The following PDE8B variants were observed in gnomAD, a reference collection of about 807,000 sequenced individuals.
The protein encoded by PDE8B is phosphodiesterase 8B, also known as high affinity cAMP-specific and IBMX-insensitive 3',5'-cyclic phosphodiesterase 8B.
PDE8B carries 26 observed loss-of-function variants against 101.3 expected under a neutral mutation model. That is an observed-to-expected ratio of 0.26 (90% CI 0.19 to 0.36). PDE8B has a LOEUF of 0.36. Ranked by LOEUF, PDE8B falls within the 10% of genes least tolerant of loss-of-function variation. The pLI is 1.00. For missense variants in PDE8B, 810 were observed against 1,163.1 expected (o/e 0.70, Z 4.42); for synonymous variants, 424 against 429.3 (o/e 0.99, Z 0.15).
the PDE8B span, among the ~76,000 whole-genome samples, chr5:77,182,245 A>G: frequency 6.6e-6 from 1 of 151,816 alleles, no homozygotes; most frequent in East Asian, 1.9e-4. Context: ...TACAGATTGT[A>G]CTTGGTTCCA....
At chr5:77,285,291 T>C (rs1765775363) in intron 1 of PDE8B, among the ~76,000 whole-genome samples, 1 of 152,208 alleles carries the variant, frequency 6.6e-6, no homozygotes, top group Admixed American at 6.5e-5. Context: ...CTTTATTCAC[T>C]CCTCAACAGT....
chr5:77,100,291 C>T, the PDE8B span: 1 of 152,204 alleles, frequency 6.6e-6, no homozygotes, highest in Non-Finnish European at 1.5e-5. Context: ...CTTCACTTAG[C>T]TCCGCATTTG....
intron 12 of PDE8B, among the ~76,000 whole-genome samples, chr5:77,406,301 A>T (rs928005016): frequency 2.0e-5 from 3 of 152,142 alleles, no homozygotes; most frequent in Admixed American, 2.0e-4. Context: ...AAATAAAAAA[A>T]ATTTAAAAAG....
chr5:77,328,777 A>G (rs1776550573), intron 3 of PDE8B, among the ~76,000 whole-genome samples: 1 of 152,222 alleles, frequency 6.6e-6, no homozygotes, highest in Non-Finnish European at 1.5e-5. Context: ...GACCTATTGG[A>G]TAATTGCCTG....
At chr5:77,292,772 T>C (rs544355157) in intron 1 of PDE8B, among the ~76,000 whole-genome samples, 53 of 152,344 alleles carry the variant, frequency 3.5e-4, no homozygotes, top group African/African-American at 1.3e-3. Flanking sequence ...AGGATGCCAA[T>C]CCCTTTACTA....
chr5:77,178,092 C>T, the PDE8B span, among the ~76,000 whole-genome samples: 6 of 152,294 alleles, frequency 3.9e-5, no homozygotes, highest in South Asian at 6.2e-4. Flanking sequence ...TGTAAGCAGA[C>T]GTCCTCCTAG....
chr5:77,370,425 G>A (rs1379377931), intron 10 of PDE8B, among the ~76,000 whole-genome samples: 3 of 152,156 alleles, frequency 2.0e-5, no homozygotes, highest in African/African-American at 2.4e-5. Flanking sequence ...TTACTCATTC[G>A]TGGAAGGCTT....
chr5:77,327,417 G>A (rs565381577), intron 3 of PDE8B, among the ~76,000 whole-genome samples: 1 of 152,294 alleles, frequency 6.6e-6, no homozygotes, highest in South Asian at 2.1e-4. Flanking sequence ...CCAAGAGAGT[G>A]TGTGCTCCAG....
intron 7 of PDE8B, among the ~76,000 whole-genome samples, chr5:77,346,288 C>T (rs1056328602): frequency 1.1e-4 from 16 of 152,152 alleles, no homozygotes; most frequent in African/African-American, 1.7e-4. Flanking sequence ...GAGAGCCAGA[C>T]GTGTTTCTGT....
chr5:77,197,084 C>A, the PDE8B span, among the ~76,000 whole-genome samples: 261 of 138,264 alleles, frequency 1.9e-3, 1 homozygote, highest in South Asian at 2.4e-3. Context: ...AGAGGTTTAT[C>A]TATTGTACTG....
At chr5:77,311,424 A>G (rs1225079563) in intron 1 of PDE8B, among the ~76,000 whole-genome samples, 1 of 152,208 alleles carries the variant, frequency 6.6e-6, no homozygotes, top group African/African-American at 2.4e-5. Context: ...TTGTGGAACT[A>G]CAACTAAGAT....
chr5:77,171,367 G>A, the PDE8B span, among the ~76,000 whole-genome samples: 4 of 152,232 alleles, frequency 2.6e-5, no homozygotes, highest in African/African-American at 9.6e-5. Flanking sequence ...TCCACTGGCT[G>A]TGGCTTCTCG....
At chr5:77,376,316 C>T (rs749873227) in intron 10 of PDE8B, among the ~76,000 whole-genome samples, 1 of 152,186 alleles carries the variant, frequency 6.6e-6, no homozygotes, top group Non-Finnish European at 1.5e-5. Flanking sequence ...CCGCATGGCA[C>T]CACCTTTTGG....
chr5:77,305,689 G>A (rs79379296), intron 1 of PDE8B, among the ~76,000 whole-genome samples: 3,249 of 152,288 alleles, frequency 0.021, 52 homozygotes, highest in Middle Eastern at 0.037. Context: ...TTTACCCAGA[G>A]CTCAGACGAA....
In PDE8B at chr5:77,239,318, T is replaced by A. The variant is rs576118083; in HGVS notation, c.339+28054T>A. Reference sequence around the variant, plus strand: ...TTCAATGCTCTTTGAATATGTCCCATGTGTATGCCACCCAGTGGCCAGTCT... The same window carrying A: ...TTCAATGCTCTTTGAATATGTCCCAAGTGTATGCCACCCAGTGGCCAGTCT... On this transcript the variant is annotated intron_variant, in intron 1 of 21. Transcript: ENST00000264917. Among the ~76,000 whole-genome samples, 12 of 152,220 alleles carry A rather than the reference T, an allele frequency of 7.9e-5. No individual in the cohort carries two copies. In the South Asian group the frequency reaches 2.5e-3, roughly 32 times the overall value.
At chr5:77,343,115 C>T (rs1252368819) in intron 6 of PDE8B, among the ~76,000 whole-genome samples, 2 of 152,178 alleles carry the variant, frequency 1.3e-5, no homozygotes, top group Non-Finnish European at 2.9e-5. Flanking sequence ...AATTACAATT[C>T]TTTTTGTATC....
the PDE8B span, among the ~76,000 whole-genome samples, chr5:77,102,099 C>T: frequency 1.3e-5 from 2 of 152,322 alleles, no homozygotes; most frequent in South Asian, 2.1e-4. Flanking sequence ...CCTAAGTCCA[C>T]CCTCAGCTGC....
At chr5:77,259,794 A>G (rs954941448) in intron 1 of PDE8B, among the ~76,000 whole-genome samples, 8 of 152,322 alleles carry the variant, frequency 5.3e-5, no homozygotes, top group South Asian at 2.1e-4. Flanking sequence ...ATGAGTCTCT[A>G]TAGTGTGGGA....
intron 1 of PDE8B, among the ~76,000 whole-genome samples, chr5:77,306,511 T>G (rs150086759): frequency 6.6e-6 from 1 of 152,124 alleles, no homozygotes; most frequent in African/African-American, 2.4e-5. Context: ...TTGGGTGAAG[T>G]TGGACTTGAA....
Sources: allele counts gnomAD v4.1 joint callset (sites outside exome capture counted in the v4.1 genomes callset), GRCh38; gene constraint gnomAD v4.1.1; transcripts MANE v1.5; gene names NCBI Gene and HGNC (gene_info 2026-07-23, HGNC 2026-07-21).